DIPK1A: variants seen among roughly 807,000 people sequenced by gnomAD.
The protein encoded by DIPK1A is divergent protein kinase domain 1A.
In DIPK1A, 27 loss-of-function variants were observed where a neutral mutation model predicts 40.8. The observed-to-expected ratio is 0.66, with a 90% CI of 0.49 to 0.91. The LOEUF (loss-of-function observed/expected upper bound fraction) is 0.91. Among genes scored for constraint, DIPK1A ranks in the 40% least tolerant of loss-of-function variants. DIPK1A has a pLI of 0.00. For synonymous variants in DIPK1A, 166 were observed against 171.3 expected (o/e 0.97, Z 0.24); for missense variants, 412 against 505.7 (o/e 0.81, Z 1.78).
chr1:92,844,467 TTAGA>T (rs1234319737), intron 4 of DIPK1A, among the ~76,000 whole-genome samples: 8 of 152,192 alleles, frequency 5.3e-5, no homozygotes, highest in Non-Finnish European at 7.4e-5. Flanking sequence ...TTCAGGCCCC[TTAGA>T]TAGTTAACCA....
Position 92,835,204 on chromosome 1 carries a change from T to TCTA in DIPK1A, c.475-2173_475-2171dup, listed in dbSNP as rs543570960. The TCTA allele has an allele frequency of 3.7e-4, 177 of 478,120 alleles. 1 individual carries two copies. Among genetic ancestry groups the TCTA allele is most frequent in the African/African-American group, 3.3e-3 (170 of 51,130 alleles). 29.6% of individuals were successfully genotyped at this position (478,120 alleles called of 1,614,324 possible). ...TTTGAAAATCCACTTGTAGCTAGTG[T>TCTA]CTACTTAATTGGACAATGAAGACCC... is the stretch of plus-strand genomic sequence containing the variant. On this transcript the variant is annotated intron_variant, in intron 4 of 4. Transcript: ENST00000615519.
In DIPK1A at chr1:92,843,246, C is replaced by T. The variant is rs1687444473; in HGVS notation, c.*137G>A. 2 of 1,439,200 alleles carry T rather than the reference C, an allele frequency of 1.4e-6. No individual in the cohort carries two copies. Among genetic ancestry groups the T allele is most frequent in the Non-Finnish European group, 9.1e-7 (1 of 1,096,468 alleles). 89.2% of individuals were successfully genotyped at this position (1,439,200 alleles called of 1,614,324 possible). A position where few individuals can be genotyped will look rare whatever the true frequency, so the allele number is the denominator to read the frequency against. On this transcript the variant is annotated 3_prime_UTR_variant, in exon 5 of 5. Coordinates refer to ENST00000370310, the MANE Select transcript of DIPK1A (RefSeq NM_001006605.5). ...ACACCTGCCATTACTTCAGTGATCA[C>T]ATACTGATGGCTTCTCAGGCCTGGG...
chr1:92,895,544 T>G (rs1195006785), intron 1 of DIPK1A, among the ~76,000 whole-genome samples: 5 of 152,010 alleles, frequency 3.3e-5, no homozygotes, highest in Non-Finnish European at 5.9e-5. Flanking sequence ...CCACAGCCAA[T>G]ATCATACTCA....
chr1:92,899,061 C>G (rs980022539), intron 1 of DIPK1A, among the ~76,000 whole-genome samples: 4 of 152,318 alleles, frequency 2.6e-5, no homozygotes, highest in Admixed American at 2.0e-4. Context: ...AGCAATTGCA[C>G]TTGGCCTAAA....
chr1:92,859,205 AACTC>A (rs1161642944), intron 2 of DIPK1A, among the ~76,000 whole-genome samples: 1 of 152,194 alleles, frequency 6.6e-6, no homozygotes, highest in Non-Finnish European at 1.5e-5. Context: ...ATTTCAGACA[AACTC>A]ATCAATTTTT....
intron 2 of DIPK1A, among the ~76,000 whole-genome samples, chr1:92,872,877 CT>C (rs898188698): frequency 5.9e-5 from 9 of 152,204 alleles, no homozygotes; most frequent in African/African-American, 2.2e-4. Flanking sequence ...TTTTCAAAGG[CT>C]TTCCAATGAG....
At chr1:92,895,555 A>G (rs1346458760) in intron 1 of DIPK1A, among the ~76,000 whole-genome samples, 2 of 152,110 alleles carry the variant, frequency 1.3e-5, no homozygotes, top group Non-Finnish European at 2.9e-5. Flanking sequence ...ATCATACTCA[A>G]TGGGCAAAAA....
chr1:92,863,535 C>G (rs1647378413), intron 2 of DIPK1A, among the ~76,000 whole-genome samples: 1 of 115,980 alleles, frequency 8.6e-6, no homozygotes, highest in African/African-American at 3.3e-5. Flanking sequence ...GAGTTCAAGA[C>G]TAGGCTGGGC....
At position 92,876,405 on chromosome 1, in the gene DIPK1A, T is replaced by G. The variant is rs756213949; in HGVS notation, c.80A>C (p.Lys27Thr). 1.2e-6 allele frequency: 2 copies of G among 1,613,408 alleles called. No homozygotes were observed. Among genetic ancestry groups the G allele is most frequent in the South Asian group, 2.2e-5 (2 of 91,010 alleles). Reference protein sequence around the residue: ...LQARFSYVRMKYLFFSWLVVF... With the variant: ...LQARFSYVRMTYLFFSWLVVF... ...CACTAACCAGGAAAAGAAAAGATATTTCATCCGCACATATGAGAAGCGAGC... is the reference window on the plus strand; with the variant it reads ...CACTAACCAGGAAAAGAAAAGATATGTCATCCGCACATATGAGAAGCGAGC... The change falls in exon 2 of 5, where the codon AAA becomes ACA. Residue 27 changes from lysine to threonine, a missense_variant. By Grantham distance (78) the Lys-to-Thr change is moderately conservative. Coordinates refer to ENST00000370310, the MANE Select transcript of DIPK1A (RefSeq NM_001006605.5).
intron 1 of DIPK1A, among the ~76,000 whole-genome samples, chr1:92,905,887 C>T (rs980283526): frequency 6.6e-6 from 1 of 152,094 alleles, no homozygotes; most frequent in Non-Finnish European, 1.5e-5. Flanking sequence ...ACTGTCCTTT[C>T]CCCAATGTAT....
Position 92,843,385 on chromosome 1 carries a change from AAG to A in DIPK1A, c.1283_1284del (p.Ser428LeufsTer23), listed in dbSNP as rs1161497009. The A allele has an allele frequency of 1.3e-6, 2 of 1,528,254 alleles. No individual in the cohort carries two copies. Among genetic ancestry groups the A allele is most frequent in the East Asian group, 2.5e-5 (1 of 40,690 alleles). 94.7% of individuals were successfully genotyped at this position (1,528,254 alleles called of 1,614,324 possible). A position where few individuals can be genotyped will look rare whatever the true frequency, so the allele number is the denominator to read the frequency against. ...LWKKISYTND[S>X] ...AATGGTAATTATGTCCAAATGAACT[AAG>A]AGTCATTAGTGTAGGAAATTTTCTT... On this transcript the variant is annotated frameshift_variant, in exon 5 of 5. Transcript: ENST00000370310. LOFTEE classifies it high-confidence loss of function.
chr1:92,917,778 A>G (rs888613870), intron 1 of DIPK1A, among the ~76,000 whole-genome samples: 15 of 152,152 alleles, frequency 9.9e-5, no homozygotes, highest in African/African-American at 3.6e-4. Flanking sequence ...GAGCAAGGAG[A>G]AGGTTTGGGT....
chr1:92,842,223 TAAAC>T lies in DIPK1A; in HGVS notation c.*1156_*1159del, dbSNP rs1687395241. On this transcript the variant is annotated 3_prime_UTR_variant, in exon 5 of 5. Transcript: ENST00000370310. ...GATGAATGGGAAAAGTACCTTAAAGTAAACAAAACTGGTGCTAATCCATGGCGTT... is the reference window on the plus strand; with the variant it reads ...GATGAATGGGAAAAGTACCTTAAAGTAAAACTGGTGCTAATCCATGGCGTT... 3.0e-6 allele frequency: 3 copies of T among 996,728 alleles called. No individual in the cohort carries two copies. Among genetic ancestry groups the T allele is most frequent in the Non-Finnish European group, 3.6e-6 (3 of 837,278 alleles). The allele number at this position is 996,728 out of a possible 1,614,324, so 61.7% of individuals were successfully genotyped here.
In DIPK1A at chr1:92,843,319, T is replaced by G; in HGVS notation, c.*64A>C. 12 of 1,455,474 alleles carry G rather than the reference T, an allele frequency of 8.2e-6. No individual in the cohort carries two copies. Among genetic ancestry groups the G allele is most frequent in the Non-Finnish European group, 9.9e-6 (11 of 1,105,540 alleles). 90.2% of individuals were successfully genotyped at this position (1,455,474 alleles called of 1,614,324 possible). A position where few individuals can be genotyped will look rare whatever the true frequency, so the allele number is the denominator to read the frequency against. Reference sequence around the variant, plus strand: ...GCCGGAATTTGAAGCCATTTTTTTTTAATGCTCAAAATTGTTCTTTAAAAG... The same window carrying G: ...GCCGGAATTTGAAGCCATTTTTTTTGAATGCTCAAAATTGTTCTTTAAAAG... On this transcript the variant is annotated 3_prime_UTR_variant, in exon 5 of 5. Coordinates refer to ENST00000370310, the MANE Select transcript of DIPK1A (RefSeq NM_001006605.5).
In DIPK1A at chr1:92,842,719, C is replaced by T; in HGVS notation, c.*664G>A. On this transcript the variant is annotated 3_prime_UTR_variant, in exon 5 of 5. Coordinates refer to ENST00000370310, the MANE Select transcript of DIPK1A (RefSeq NM_001006605.5). The stretch of plus-strand genomic sequence containing the variant: ...CAGCTGCGTGATACTAAGATGGGCC[C>T]TTTGAATCTTTAGGAAAGTTCATCC... 1 of 985,382 alleles carries T rather than the reference C, an allele frequency of 1.0e-6. No individual in the cohort carries two copies. Among genetic ancestry groups the T allele is most frequent in the Non-Finnish European group, 1.2e-6 (1 of 829,930 alleles). The allele number at this position is 985,382 out of a possible 1,614,324, so 61.0% of individuals were successfully genotyped here.
At chr1:92,840,707 G>C, downstream of DIPK1A, 2 of 1,160,892 alleles carry the variant, frequency 1.7e-6, no homozygotes, top group Middle Eastern at 3.9e-4. Context: ...GGGGCAGACT[G>C]TTGGTGTAAT....
intron 1 of DIPK1A, among the ~76,000 whole-genome samples, chr1:92,921,499 C>A (rs775646168): frequency 6.6e-6 from 1 of 152,088 alleles, no homozygotes; most frequent in Admixed American, 6.5e-5. Flanking sequence ...ATTTGCTAGT[C>A]GGGAGTAAAA....
At chr1:92,846,811 A>ATGTG (rs1450992855) in intron 4 of DIPK1A, among the ~76,000 whole-genome samples, 1 of 3,198 alleles carries the variant, frequency 3.1e-4, no homozygotes, top group African/African-American at 2.3e-3. Flanking sequence ...ATATATATAT[A>ATGTG]TATATATATA....
chr1:92,907,574 A>C (rs1649673195), intron 1 of DIPK1A, among the ~76,000 whole-genome samples: 1 of 151,984 alleles, frequency 6.6e-6, no homozygotes, highest in Admixed American at 6.6e-5. Flanking sequence ...TGAGTAGCTA[A>C]GACTACAGGT....
Sources: allele counts gnomAD v4.1 joint callset (sites outside exome capture counted in the v4.1 genomes callset), GRCh38; gene constraint gnomAD v4.1.1; transcripts MANE v1.5; gene names NCBI Gene and HGNC (gene_info 2026-07-23, HGNC 2026-07-21).